CCSER1: variants seen among roughly 807,000 people sequenced by gnomAD.
The protein encoded by CCSER1 is coiled-coil serine rich protein 1, also known as serine-rich coiled-coil domain-containing protein 1.
CCSER1 carries 41 observed loss-of-function variants against 82.0 expected under a neutral mutation model. That is an observed-to-expected ratio of 0.50 (90% CI 0.39 to 0.65). The LOEUF is 0.65. Ranked by LOEUF, CCSER1 falls within the 30% of genes least tolerant of loss-of-function variation. The probability of loss-of-function intolerance (pLI) is 0.00; values close to 1 mark genes in which losing one functional copy is unlikely to be tolerated. For synonymous variants in CCSER1, 414 were observed against 383.9 expected (o/e 1.08, Z -0.92); for missense variants, 1,119 against 1,064.2 (o/e 1.05, Z -0.72).
intron 5 of CCSER1, among the ~76,000 whole-genome samples, chr4:90,533,261 T>G (rs1428471705): frequency 6.6e-6 from 1 of 151,780 alleles, no homozygotes; most frequent in Non-Finnish European, 1.5e-5. Flanking sequence ...CTGGCAACTT[T>G]TTTTTTTGTA....
At chr4:90,779,431 C>T (rs1229202349) in intron 7 of CCSER1, among the ~76,000 whole-genome samples, 1 of 152,078 alleles carries the variant, frequency 6.6e-6, no homozygotes, top group Non-Finnish European at 1.5e-5. Flanking sequence ...AAATCTGCGT[C>T]TTGTGCAATT....
chr4:90,853,920 AC>A (rs1368203156), intron 8 of CCSER1, among the ~76,000 whole-genome samples: 2 of 152,112 alleles, frequency 1.3e-5, no homozygotes, highest in East Asian at 3.8e-4. Context: ...CAGCCCACCT[AC>A]CCCAATTATA....
intron 9 of CCSER1, among the ~76,000 whole-genome samples, chr4:90,933,935 T>TAC (rs1375067251): frequency 6.6e-6 from 1 of 151,976 alleles, no homozygotes; most frequent in East Asian, 1.9e-4. Context: ...AATTTTCTCC[T>TAC]ACTAAATAAT....
intron 8 of CCSER1, among the ~76,000 whole-genome samples, chr4:90,837,376 A>G (rs1221287016): frequency 2.6e-5 from 4 of 152,142 alleles, no homozygotes; most frequent in Admixed American, 6.5e-5. Flanking sequence ...ACTATTCACA[A>G]TACATTTTAT....
chr4:90,864,864 A>G (rs1051981404), intron 8 of CCSER1, among the ~76,000 whole-genome samples: 2 of 152,052 alleles, frequency 1.3e-5, no homozygotes, highest in South Asian at 4.1e-4. Context: ...AGGCTAAAAT[A>G]TCACCAATAT....
chr4:91,096,166 C>A (rs1427198423), intron 10 of CCSER1, among the ~76,000 whole-genome samples: 1 of 152,194 alleles, frequency 6.6e-6, no homozygotes, highest in Non-Finnish European at 1.5e-5. Flanking sequence ...CAGCATATTG[C>A]TGCTTTCTCA....
At chr4:91,111,841 A>G (rs537791575) in intron 10 of CCSER1, among the ~76,000 whole-genome samples, 1 of 150,644 alleles carries the variant, frequency 6.6e-6, no homozygotes, top group East Asian at 2.1e-4. Context: ...AGAAGAAGAC[A>G]ATAAAACAGA....
At chr4:90,377,518 A>C (rs1368551099) in intron 3 of CCSER1, among the ~76,000 whole-genome samples, 2 of 152,196 alleles carry the variant, frequency 1.3e-5, no homozygotes, top group African/African-American at 2.4e-5. Flanking sequence ...TGCCAGCAAC[A>C]TGTAAATACA....
At chr4:90,502,053 G>T (rs1769965065) in intron 5 of CCSER1, among the ~76,000 whole-genome samples, 1 of 152,032 alleles carries the variant, frequency 6.6e-6, no homozygotes, top group African/African-American at 2.4e-5. Context: ...TAAAATTATA[G>T]AGCAAAATAT....
chr4:90,599,636 A>T (rs1429404655), intron 5 of CCSER1, among the ~76,000 whole-genome samples: 1 of 152,070 alleles, frequency 6.6e-6, no homozygotes, highest in Non-Finnish European at 1.5e-5. Context: ...GGCAGAGGCA[A>T]TGTGTTTTCT....
chr4:90,887,005 G>T (rs970251602), intron 8 of CCSER1, among the ~76,000 whole-genome samples: 3 of 152,124 alleles, frequency 2.0e-5, no homozygotes, highest in Admixed American at 2.0e-4. Context: ...TTAATGAGGA[G>T]ATTTAAAAGG....
chr4:91,002,181 A>G (rs911967429), intron 9 of CCSER1, among the ~76,000 whole-genome samples: 1 of 152,126 alleles, frequency 6.6e-6, no homozygotes, highest in Non-Finnish European at 1.5e-5. Flanking sequence ...TCAGCTCTCA[A>G]TATTCTTTCC....
intron 3 of CCSER1, among the ~76,000 whole-genome samples, chr4:90,377,252 T>C (rs1748484470): frequency 6.6e-6 from 1 of 152,210 alleles, no homozygotes; most frequent in Non-Finnish European, 1.5e-5. Context: ...TTTTTGAAGT[T>C]ATAAAATAAT....
chr4:90,993,996 T>C (rs1378545523), intron 9 of CCSER1, among the ~76,000 whole-genome samples: 1 of 152,114 alleles, frequency 6.6e-6, no homozygotes, highest in African/African-American at 2.4e-5. Context: ...ACACTCATCC[T>C]GACAAACCCA....
At chr4:90,967,245 C>T (rs1218518211) in intron 9 of CCSER1, among the ~76,000 whole-genome samples, 6 of 151,866 alleles carry the variant, frequency 4.0e-5, no homozygotes, top group Middle Eastern at 3.4e-3. Context: ...GTGAGGAATT[C>T]GAGACCAGCC....
intron 10 of CCSER1, among the ~76,000 whole-genome samples, chr4:91,342,871 T>C (rs1747806261): frequency 6.6e-6 from 1 of 152,168 alleles, no homozygotes; most frequent in Non-Finnish European, 1.5e-5. Context: ...CAGAATTATG[T>C]GATTCATCAT....
At chr4:91,510,626 C>T (rs1759764231) in intron 10 of CCSER1, among the ~76,000 whole-genome samples, 1 of 152,140 alleles carries the variant, frequency 6.6e-6, no homozygotes, top group Admixed American at 6.5e-5. Flanking sequence ...TGTATGTCTA[C>T]TGTTGAGAAG....
intron 10 of CCSER1, among the ~76,000 whole-genome samples, chr4:91,519,094 C>A (rs1401808943): frequency 6.6e-6 from 1 of 152,164 alleles, no homozygotes; most frequent in Non-Finnish European, 1.5e-5. Context: ...TGCTGAGCCA[C>A]TTCTGAAGTA....
At chr4:90,691,404 T>C (rs1364502220) in intron 6 of CCSER1, among the ~76,000 whole-genome samples, 1 of 151,988 alleles carries the variant, frequency 6.6e-6, no homozygotes, top group Admixed American at 6.6e-5. Context: ...GTGTATCCCA[T>C]AATCCCATAC....
Sources: allele counts gnomAD v4.1 joint callset (sites outside exome capture counted in the v4.1 genomes callset), GRCh38; gene constraint gnomAD v4.1.1; transcripts MANE v1.5; gene names NCBI Gene and HGNC (gene_info 2026-07-23, HGNC 2026-07-21).